PTPRD: variants seen among roughly 807,000 people sequenced by gnomAD.
PTPRD encodes the protein protein tyrosine phosphatase receptor type D, also known as receptor-type tyrosine-protein phosphatase delta.
In PTPRD, 34 loss-of-function variants were observed where a neutral mutation model predicts 214.5. The observed-to-expected ratio is 0.16, with a 90% CI of 0.12 to 0.21. PTPRD has a LOEUF of 0.21. Among genes scored for constraint, PTPRD ranks in the 10% least tolerant of loss-of-function variants. The pLI, the probability that PTPRD is intolerant of heterozygous loss-of-function variation, is 1.00. For missense variants in PTPRD, 2,545 were observed against 2,398.7 expected, an observed-to-expected ratio of 1.06 and a Z score of -1.27; for synonymous variants, 1,128 against 845.7, an observed-to-expected ratio of 1.33 and a Z score of -5.79.
chr9:9,480,460 T>G (rs2095358547), intron 8 of PTPRD, among the ~76,000 whole-genome samples: 1 of 152,116 alleles, frequency 6.6e-6, no homozygotes, highest in Non-Finnish European at 1.5e-5. Flanking sequence ...GCTTATACAT[T>G]CAAGAAGTTA....
chr9:9,173,427 A>G (rs1046538199), intron 10 of PTPRD, among the ~76,000 whole-genome samples: 2 of 152,114 alleles, frequency 1.3e-5, no homozygotes, highest in Non-Finnish European at 2.9e-5. Context: ...CTGGGGATAC[A>G]TTCTGATAAA....
chr9:9,362,782 A>C (rs1415179353), intron 9 of PTPRD, among the ~76,000 whole-genome samples: 10 of 151,362 alleles, frequency 6.6e-5, no homozygotes. Flanking sequence ...ATGTGTTGAT[A>C]GTTAGCAGGC....
At chr9:10,041,254 T>G (rs1250967323) in intron 3 of PTPRD, among the ~76,000 whole-genome samples, 2 of 151,976 alleles carry the variant, frequency 1.3e-5, no homozygotes, top group African/African-American at 4.8e-5. Context: ...TTGAGGTAGT[T>G]TGAAATTATG....
chr9:9,584,359 C>CTTATTATTATTATTATT lies in PTPRD; in HGVS notation c.-286-9579_-286-9578insAATAATAATAATAATAA, dbSNP rs1554649145. Among the ~76,000 whole-genome samples, 1,469 of 149,188 alleles carry CTTATTATTATTATTATT rather than the reference C, an allele frequency of 9.8e-3. 19 individuals carry two copies. Among genetic ancestry groups the CTTATTATTATTATTATT allele is most frequent in the East Asian group, 0.024 (123 of 5,080 alleles). ...ACATTAAAACATTTTATTTCATCAC[C>CTTATTATTATTATTATT]ATTATTATTATTATTATTATTTGCT... On this transcript the variant is annotated intron_variant, in intron 7 of 45. Transcript: ENST00000381196.
At chr9:9,626,865 G>C (rs2095439701) in intron 7 of PTPRD, among the ~76,000 whole-genome samples, 1 of 152,120 alleles carries the variant, frequency 6.6e-6, no homozygotes, top group African/African-American at 2.4e-5. Flanking sequence ...AGACCTATAT[G>C]AATGTTAAGT....
intron 11 of PTPRD, among the ~76,000 whole-genome samples, chr9:8,840,390 G>A (rs2097535089): frequency 6.6e-6 from 1 of 152,188 alleles, no homozygotes; most frequent in Non-Finnish European, 1.5e-5. Flanking sequence ...ATCCATGTAA[G>A]AAGTAGCTTG....
rs993149555 is a variant in PTPRD, at chr9:9,045,099, C to T, written c.-142-26364G>A. 5.3e-5 allele frequency among the ~76,000 whole-genome samples: 8 copies of T among 152,090 alleles called. No homozygotes were observed. In the East Asian group the frequency reaches 7.7e-4, roughly 15 times the overall value. Reference sequence around the variant, plus strand: ...TGTCATTTCCAACCAACTAACTAGACGTGTTCTGTTATGGTTCAAATTAGG... The same window carrying T: ...TGTCATTTCCAACCAACTAACTAGATGTGTTCTGTTATGGTTCAAATTAGG... On this transcript the variant is annotated intron_variant, in intron 10 of 45. Coordinates refer to ENST00000381196, the MANE Select transcript of PTPRD (RefSeq NM_002839.4).
At chr9:10,226,774 C>T (rs1269154813) in intron 3 of PTPRD, among the ~76,000 whole-genome samples, 2 of 151,916 alleles carry the variant, frequency 1.3e-5, no homozygotes, top group African/African-American at 4.8e-5. Flanking sequence ...GTTGTAGGGA[C>T]TCATCAGGGA....
intron 5 of PTPRD, among the ~76,000 whole-genome samples, chr9:9,926,705 G>A (rs1602420156): frequency 6.6e-6 from 1 of 152,092 alleles, no homozygotes; most frequent in South Asian, 2.1e-4. Context: ...TCTAACTAGG[G>A]TTAATGTGAA....
intron 7 of PTPRD, among the ~76,000 whole-genome samples, chr9:9,676,820 A>C (rs1044618315): frequency 6.6e-6 from 1 of 152,042 alleles, no homozygotes; most frequent in Non-Finnish European, 1.5e-5. Flanking sequence ...TCGCCATTTT[A>C]ACTGGTGTGA....
chr9:8,594,133 G>T (rs548691855), intron 14 of PTPRD, among the ~76,000 whole-genome samples: 1 of 151,998 alleles, frequency 6.6e-6, no homozygotes. Flanking sequence ...TTGCTGGATT[G>T]GTTTGACATG....
At chr9:9,492,453 C>G (rs2095958317) in intron 8 of PTPRD, among the ~76,000 whole-genome samples, 1 of 151,710 alleles carries the variant, frequency 6.6e-6, no homozygotes, top group Non-Finnish European at 1.5e-5. Flanking sequence ...GATTATGTAC[C>G]ACGACCAAAA....
At chr9:8,522,202 G>C (rs191497492) in intron 19 of PTPRD, among the ~76,000 whole-genome samples, 258 of 152,314 alleles carry the variant, frequency 1.7e-3, no homozygotes, top group African/African-American at 6.2e-3. Context: ...AGAGATACTG[G>C]ATTGGGTCAT....
intron 11 of PTPRD, among the ~76,000 whole-genome samples, chr9:8,923,673 C>A (rs189426093): frequency 6.6e-6 from 1 of 152,138 alleles, no homozygotes; most frequent in Non-Finnish European, 1.5e-5. Flanking sequence ...AATCTTAAAT[C>A]TCTTTAAAAA....
At position 10,294,308 on chromosome 9, in the gene PTPRD, G is replaced by GA. The variant is rs2095613375; in HGVS notation, c.-545+46654dup. Among the ~76,000 whole-genome samples the GA allele has an allele frequency of 2.6e-5, 4 of 151,734 alleles. 1 individual carries two copies. Among genetic ancestry groups the GA allele is most frequent in the Admixed American group, 2.6e-4 (4 of 15,182 alleles). ...TGTTCATCTATTGAAAATACAGGAA[G>GA]AAAAAAATTCCATTAAGATAAAATA... On this transcript the variant is annotated intron_variant, in intron 3 of 45. Transcript: ENST00000381196.
intron 31 of PTPRD, among the ~76,000 whole-genome samples, chr9:8,469,883 G>T (rs139572597): frequency 6.6e-6 from 1 of 152,194 alleles, no homozygotes; most frequent in African/African-American, 2.4e-5. Flanking sequence ...ACACACGTCT[G>T]CCAAAGAAAG....
At chr9:9,924,562 ACACTTTCCTTGCCTTTCCAGTACGCTTT>A (rs2153890398) in intron 5 of PTPRD, among the ~76,000 whole-genome samples, 1 of 151,578 alleles carries the variant, frequency 6.6e-6, no homozygotes, top group Non-Finnish European at 1.5e-5. Context: ...CTTGCCCGAA[ACACTTTCCTTGCCTTTCCAGTACGCTTT>A]CACTTTCCTT....
At chr9:10,290,507 T>C (rs890877114) in intron 3 of PTPRD, among the ~76,000 whole-genome samples, 1 of 152,198 alleles carries the variant, frequency 6.6e-6, no homozygotes, top group Non-Finnish European at 1.5e-5. Flanking sequence ...GGAAAGCTTC[T>C]CTTTTACTTT....
intron 12 of PTPRD, among the ~76,000 whole-genome samples, chr9:8,681,584 G>A (rs1215568916): frequency 1.3e-5 from 2 of 152,050 alleles, no homozygotes; most frequent in Non-Finnish European, 2.9e-5. Context: ...TATCTAGACT[G>A]CTTAGGAGAA....
Sources: allele counts gnomAD v4.1 joint callset (sites outside exome capture counted in the v4.1 genomes callset), GRCh38; gene constraint gnomAD v4.1.1; transcripts MANE v1.5; gene names NCBI Gene and HGNC (gene_info 2026-07-23, HGNC 2026-07-21).